CTBP2: variants seen among roughly 807,000 people sequenced by gnomAD.
CTBP2 encodes C-terminal binding protein 2, also known as C-terminal-binding protein 2.
CTBP2 carries 30 observed loss-of-function variants against 80.3 expected under a neutral mutation model. The observed-to-expected ratio is 0.37, with a 90% CI of 0.28 to 0.51. CTBP2 has a LOEUF of 0.51. Ranked by LOEUF, CTBP2 falls within the 20% of genes least tolerant of loss-of-function variation. The probability of loss-of-function intolerance (pLI) is 0.93; values close to 1 mark genes in which losing one functional copy is unlikely to be tolerated. For missense variants in CTBP2, 1,212 were observed against 1,375.3 expected, an observed-to-expected ratio of 0.88 and a Z score of 1.88; for synonymous variants, 594 against 587.4, an observed-to-expected ratio of 1.01 and a Z score of -0.16.
chr10:125,084,309 A>T (rs113293554), intron 2 of CTBP2, among the ~76,000 whole-genome samples: 2 of 151,968 alleles, frequency 1.3e-5, no homozygotes, highest in Non-Finnish European at 2.9e-5. Flanking sequence ...CTTGGGGAAC[A>T]TCTCAGGGAA....
At chr10:124,994,821 T>C in intron 4 of CTBP2, 138 bp from the exon 7 acceptor site, 1 of 891,086 alleles carries the variant, frequency 1.1e-6, no homozygotes. Context: ...TGCCCAAAGC[T>C]TAGTGAGGCC....
At chr10:125,051,597 G>A (rs918761034) in intron 2 of CTBP2, among the ~76,000 whole-genome samples, 12 of 151,304 alleles carry the variant, frequency 7.9e-5, no homozygotes, top group Admixed American at 2.6e-4. Context: ...CTGAGATCAC[G>A]CCACTGCACA....
chr10:125,027,378 G>T lies in CTBP2; in HGVS notation c.382C>A (p.Arg128=), dbSNP rs762764787. The stretch of plus-strand genomic sequence containing the variant: ...ACCGGCCGGCTGACTCCTGGGTCCC[G>T]ATAGAGGGGAGGCTCTTTGGGTACC... Residue 128 remains arginine (R), a synonymous_variant, in exon 1 of 9, where the codon CGG becomes AGG. Coordinates refer to ENST00000309035, the MANE Select transcript of CTBP2 (RefSeq NM_022802.3). 1.2e-6 allele frequency: 2 copies of T among 1,613,452 alleles called. No individual in the cohort carries two copies. Among genetic ancestry groups the T allele is most frequent in the African/African-American group, 2.7e-5 (2 of 74,930 alleles).
Position 124,993,153 on chromosome 10 carries a change from T to C in CTBP2, c.2659+49A>G, listed in dbSNP as rs115311023. On this transcript the variant is annotated intron_variant, in intron 7 of 8. Coordinates refer to ENST00000309035, the MANE Select transcript of CTBP2 (RefSeq NM_022802.3). Reference sequence around the variant, plus strand: ...CCAGCAGGACAGGAGCCGGCTGCACTGTGGAGCTGAGGCTGCCCTTGGCAG... The same window carrying C: ...CCAGCAGGACAGGAGCCGGCTGCACCGTGGAGCTGAGGCTGCCCTTGGCAG... 986 of 1,571,008 alleles carry C rather than the reference T, an allele frequency of 6.3e-4. 5 individuals are homozygous for C. The African/African-American group carries it at 0.012, about 19-fold the overall frequency.
chr10:125,094,755 G>A (rs1190400048), intron 2 of CTBP2, among the ~76,000 whole-genome samples: 1 of 152,108 alleles, frequency 6.6e-6, no homozygotes. Flanking sequence ...GACCCAAAAT[G>A]TCAACAGTGC....
At chr10:124,993,370 G>C in intron 6 of CTBP2, 41 bp from the exon 9 acceptor site, 1 of 1,585,716 alleles carries the variant, frequency 6.3e-7, no homozygotes, top group Non-Finnish European at 8.6e-7. Flanking sequence ...GGGAAATGTC[G>C]CATACGCTCC....
intron 1 of CTBP2, among the ~76,000 whole-genome samples, chr10:125,119,678 C>T (rs1853989435): frequency 6.6e-6 from 1 of 152,136 alleles, no homozygotes; most frequent in African/African-American, 2.4e-5. Flanking sequence ...AGAATAGATC[C>T]AAAGTGTTAT....
intron 2 of CTBP2, among the ~76,000 whole-genome samples, chr10:125,046,511 C>T (rs1961277950): frequency 7.2e-6 from 1 of 138,250 alleles, no homozygotes; most frequent in Non-Finnish European, 1.5e-5. Flanking sequence ...GCACTCCAGC[C>T]TGAGTGACAG....
At chr10:125,142,277 G>A (rs1011012659) in intron 1 of CTBP2, among the ~76,000 whole-genome samples, 4 of 152,180 alleles carry the variant, frequency 2.6e-5, no homozygotes, top group African/African-American at 4.8e-5. Context: ...ACTGGGGAGA[G>A]GAGGGGTGTC....
In CTBP2 at chr10:125,152,125, G is replaced by A. The variant is rs575235312; in HGVS notation, c.-206+8194C>T. Among the ~76,000 whole-genome samples the A allele has an allele frequency of 4.6e-3, 700 of 152,116 alleles. 5 individuals are homozygous for A. Among genetic ancestry groups the A allele is most frequent in the African/African-American group, 0.014 (588 of 41,524 alleles). On this transcript the variant is annotated intron_variant, in intron 1 of 10. Coordinates refer to the CTBP2 transcript ENST00000337195. ...CTGGGGCGGGGCCGCGCCGCCAGGT[G>A]TTCTGGCCCGCGGGGGCGGGGCCTC...
upstream of CTBP2, among the ~76,000 whole-genome samples, chr10:125,032,392 C>T (rs536971545): frequency 3.9e-5 from 6 of 152,330 alleles, no homozygotes; most frequent in African/African-American, 7.2e-5. Flanking sequence ...GGCTGTCCTG[C>T]GATCAGAAGG....
intron 1 of CTBP2, among the ~76,000 whole-genome samples, chr10:125,148,213 G>A (rs1028017573): frequency 3.3e-5 from 5 of 152,140 alleles, no homozygotes; most frequent in African/African-American, 4.8e-5. Flanking sequence ...GACCTCTCTG[G>A]TCACCAGCCA....
At chr10:125,159,289 A>G (rs914033347) in intron 1 of CTBP2, among the ~76,000 whole-genome samples, 5 of 148,888 alleles carry the variant, frequency 3.4e-5, no homozygotes, top group African/African-American at 1.2e-4. Context: ...GCCCCACCCG[A>G]AAAGTGCGGC....
At chr10:125,096,178 T>G (rs977071234) in intron 2 of CTBP2, among the ~76,000 whole-genome samples, 1 of 152,248 alleles carries the variant, frequency 6.6e-6, no homozygotes, top group Non-Finnish European at 1.5e-5. Flanking sequence ...TTCTAAGAAC[T>G]CTGGCAACAA....
intron 1 of CTBP2, among the ~76,000 whole-genome samples, chr10:125,144,898 A>G (rs2133316977): frequency 6.6e-6 from 1 of 152,274 alleles, no homozygotes; most frequent in East Asian, 1.9e-4. Flanking sequence ...CTCAATACAC[A>G]CTGCTGCCCG....
intron 1 of CTBP2, among the ~76,000 whole-genome samples, chr10:125,142,524 C>T (rs538629466): frequency 6.6e-6 from 1 of 152,144 alleles, no homozygotes; most frequent in African/African-American, 2.4e-5. Flanking sequence ...GAACTTTCCT[C>T]GGTGATGGGA....
Position 124,989,442 on chromosome 10 carries a change from T to G in CTBP2, c.*76A>C. The G allele has an allele frequency of 7.1e-7, 1 of 1,402,104 alleles. No individual in the cohort carries two copies. The allele number at this position is 1,402,104 out of a possible 1,614,324, so 86.9% of individuals were successfully genotyped here. On this transcript the variant is annotated 3_prime_UTR_variant, in exon 9 of 9. Coordinates refer to ENST00000309035, the MANE Select transcript of CTBP2 (RefSeq NM_022802.3). Reference sequence around the variant, plus strand: ...CAGTTACAAAGACCATCCGATTCTTTTTCTCTTAGTTCATCTATTTTTCAC... The same window carrying G: ...CAGTTACAAAGACCATCCGATTCTTGTTCTCTTAGTTCATCTATTTTTCAC...
At chr10:125,049,709 C>T (rs768308755) in intron 2 of CTBP2, among the ~76,000 whole-genome samples, 1 of 152,098 alleles carries the variant, frequency 6.6e-6, no homozygotes, top group Non-Finnish European at 1.5e-5. Flanking sequence ...GCTATCAAAG[C>T]AAACGCTGGC....
rs530033890 is a variant in CTBP2 at position 125,096,985 on chromosome 10, A to G, written c.-102+14005T>C. Among the ~76,000 whole-genome samples, 15 of 152,332 alleles carry G rather than the reference A, an allele frequency of 9.8e-5. No individual in the cohort carries two copies. In the East Asian group the frequency reaches 1.2e-3, roughly 12 times the overall value. On this transcript the variant is annotated intron_variant, in intron 2 of 10. Transcript: ENST00000337195. The stretch of plus-strand genomic sequence containing the variant: ...AATGAAAAAATAGCTCTACATTTCT[A>G]TCTCTTCTCATTAAAGTAAACCAGT...
Sources: allele counts gnomAD v4.1 joint callset (sites outside exome capture counted in the v4.1 genomes callset), GRCh38; gene constraint gnomAD v4.1.1; transcripts MANE v1.5; gene names NCBI Gene and HGNC (gene_info 2026-07-23, HGNC 2026-07-21).